ASXL3: variants seen among roughly 807,000 people sequenced by gnomAD.
ASXL3 encodes putative Polycomb group protein ASXL3.
ASXL3 carries 34 observed loss-of-function variants against 170.6 expected under a neutral mutation model. The observed-to-expected ratio is 0.20, with a 90% CI of 0.15 to 0.27. The LOEUF is 0.27. Ranked by LOEUF, ASXL3 falls within the 10% of genes least tolerant of loss-of-function variation. The probability of loss-of-function intolerance (pLI) is 1.00; values close to 1 mark genes in which losing one functional copy is unlikely to be tolerated. For missense variants in ASXL3, 2,592 were observed against 2,695.3 expected (o/e 0.96, Z 0.85); for synonymous variants, 1,002 against 989.1 (o/e 1.01, Z -0.24).
At chr18:33,698,310 T>C (rs984437277) in intron 8 of ASXL3, among the ~76,000 whole-genome samples, 1 of 152,172 alleles carries the variant, frequency 6.6e-6, no homozygotes, top group African/African-American at 2.4e-5. Flanking sequence ...GCCTTGATCT[T>C]GGATCTCACA....
chr18:33,722,817 G>C (rs987537327), intron 8 of ASXL3, among the ~76,000 whole-genome samples: 5 of 152,146 alleles, frequency 3.3e-5, no homozygotes, highest in African/African-American at 1.2e-4. Flanking sequence ...TGCCTGGCTT[G>C]AAAGGATAGG....
chr18:33,594,245 G>A (rs1340982208), intron 1 of ASXL3, among the ~76,000 whole-genome samples: 2 of 152,180 alleles, frequency 1.3e-5, no homozygotes, highest in African/African-American at 4.8e-5. Context: ...AAGACTTGTT[G>A]TGAGTCCTAA....
chr18:33,717,037 A>G (rs1469543799), intron 8 of ASXL3, among the ~76,000 whole-genome samples: 5 of 152,076 alleles, frequency 3.3e-5, no homozygotes, highest in South Asian at 2.1e-4. Context: ...CTCGTTCCCT[A>G]TACATCAAGG....
chr18:33,712,886 C>A (rs2067091367), intron 8 of ASXL3, among the ~76,000 whole-genome samples: 1 of 152,230 alleles, frequency 6.6e-6, no homozygotes, highest in African/African-American at 2.4e-5. Context: ...GGGAGTTTGG[C>A]AGTTTTGCTC....
chr18:33,727,489 A>C (rs1455185951), intron 8 of ASXL3, among the ~76,000 whole-genome samples: 2 of 152,272 alleles, frequency 1.3e-5, no homozygotes, highest in South Asian at 2.1e-4. Context: ...ATACTTACCA[A>C]GAAAGAGTAT....
intron 1 of ASXL3, among the ~76,000 whole-genome samples, chr18:33,600,678 A>C (rs1165493883): frequency 6.6e-6 from 1 of 152,172 alleles, no homozygotes; most frequent in Admixed American, 6.6e-5. Context: ...CTGAGATCCA[A>C]AAAAGTTGCC....
At chr18:33,637,127 T>G (rs1442836926) in intron 2 of ASXL3, among the ~76,000 whole-genome samples, 1 of 152,178 alleles carries the variant, frequency 6.6e-6, no homozygotes, top group East Asian at 1.9e-4. Flanking sequence ...CTTTTGCACA[T>G]TTTTCAAGTA....
At chr18:33,671,711 A>C (rs777126601) in intron 6 of ASXL3, 36 bp from the exon 7 acceptor site, 1 of 1,544,040 alleles carries the variant, frequency 6.5e-7, no homozygotes, top group South Asian at 1.2e-5. Flanking sequence ...GGACAGCTAG[A>C]GAAGATAATG....
intron 4 of ASXL3, among the ~76,000 whole-genome samples, chr18:33,657,009 C>G (rs2145223569): frequency 6.6e-6 from 1 of 152,100 alleles, no homozygotes; most frequent in South Asian, 2.1e-4. Context: ...GCTCTGTGCC[C>G]ATCTTCGCAT....
At chr18:33,627,746 G>A (rs1281109705) in intron 2 of ASXL3, among the ~76,000 whole-genome samples, 1 of 152,086 alleles carries the variant, frequency 6.6e-6, no homozygotes, top group Admixed American at 6.6e-5. Flanking sequence ...CATAAATACT[G>A]CCTCTACTTT....
intron 7 of ASXL3, among the ~76,000 whole-genome samples, chr18:33,679,446 G>C (rs1055097824): frequency 6.6e-6 from 1 of 151,930 alleles, no homozygotes; most frequent in Non-Finnish European, 1.5e-5. Context: ...AGTAAGATTG[G>C]CTAATACAGT....
chr18:33,644,239 G>C (rs2065885796), intron 2 of ASXL3, among the ~76,000 whole-genome samples: 1 of 151,928 alleles, frequency 6.6e-6, no homozygotes, highest in South Asian at 2.1e-4. Context: ...CTGTTAGCTG[G>C]ACAGAATTTC....
chr18:33,706,506 G>T (rs1159101392), intron 8 of ASXL3, among the ~76,000 whole-genome samples: 1 of 151,718 alleles, frequency 6.6e-6, no homozygotes, highest in African/African-American at 2.4e-5. Context: ...ATGGTATTCA[G>T]CATCCTTACG....
intron 11 of ASXL3, 22 bp from the exon 12 acceptor site, chr18:33,742,866 T>G: frequency 1.9e-6 from 3 of 1,568,336 alleles, no homozygotes; most frequent in Non-Finnish European, 2.6e-6. Flanking sequence ...ACATTATATT[T>G]TTTTTTCTGT....
At chr18:33,661,865 A>C in intron 5 of ASXL3, 128 bp downstream of exon 5, 1 of 1,057,118 alleles carries the variant, frequency 9.5e-7, no homozygotes, top group Non-Finnish European at 1.3e-6. Context: ...AATCCCATCC[A>C]TGATATTCAG....
intron 7 of ASXL3, among the ~76,000 whole-genome samples, chr18:33,676,846 A>G (rs1421268050): frequency 2.0e-5 from 3 of 152,172 alleles, no homozygotes; most frequent in Non-Finnish European, 4.4e-5. Flanking sequence ...GACAACCCTA[A>G]TACATTATCA....
At chr18:33,606,028 T>A in intron 1 of ASXL3, among the ~76,000 whole-genome samples, 1 of 152,156 alleles carries the variant, frequency 6.6e-6, no homozygotes, top group Non-Finnish European at 1.5e-5. Context: ...TTACAGTTCT[T>A]ATTTTAAAAC....
intron 1 of ASXL3, among the ~76,000 whole-genome samples, chr18:33,590,215 C>T (rs1359778038): frequency 2.0e-5 from 3 of 149,836 alleles, no homozygotes; most frequent in East Asian, 2.0e-4. Context: ...GCACAACCTA[C>T]GTGTGTTGTC....
Position 33,743,945 on chromosome 18 carries a change from A to G in ASXL3, c.4097A>G (p.Asn1366Ser). Residue 1366 changes from asparagine to serine, a missense_variant, in exon 12 of 12, where the codon AAC (asparagine) becomes AGC (serine). Asn to Ser is a conservative substitution (Grantham distance 46). Coordinates refer to ENST00000269197, the MANE Select transcript of ASXL3 (RefSeq NM_030632.3). Reference protein sequence around the residue: ...SSVLIPPMGINNRFPSEKIAI... With the variant: ...SSVLIPPMGISNRFPSEKIAI... The stretch of plus-strand genomic sequence containing the variant: ...GTCTTGATTCCCCCAATGGGAATTA[A>G]CAACAGATTTCCTTCTGAGAAGATA... 3 of 1,614,030 alleles carry G rather than the reference A, an allele frequency of 1.9e-6. No individual in the cohort carries two copies. The East Asian group carries it at 6.7e-5, about 36-fold the overall frequency.
Sources: gnomAD v4.1 joint callset for allele counts (sites outside exome capture counted in the v4.1 genomes callset) on GRCh38, gnomAD v4.1.1 for gene constraint, MANE v1.5 for transcripts, NCBI Gene and HGNC (gene_info 2026-07-23, HGNC 2026-07-21) for gene names.